Variants in TSPAN9 observed in about 807,000 individuals in gnomAD.
TSPAN9 encodes tetraspanin 9, also known as tetraspanin-9.
A neutral mutation model predicts 31.0 loss-of-function variants in TSPAN9; 16 were observed. The observed-to-expected ratio is 0.52, with a 90% CI of 0.35 to 0.78. TSPAN9 has a LOEUF of 0.78. Ranked by LOEUF, TSPAN9 falls within the 30% of genes least tolerant of loss-of-function variation. The probability of loss-of-function intolerance (pLI) is 0.01; values close to 1 mark genes in which losing one functional copy is unlikely to be tolerated. For missense variants in TSPAN9, 272 were observed against 312.5 expected, an observed-to-expected ratio of 0.87 and a Z score of 0.98; for synonymous variants, 145 against 121.6, an observed-to-expected ratio of 1.19 and a Z score of -1.27.
At chr12:3,247,320 G>A (rs1302116808) in intron 3 of TSPAN9, among the ~76,000 whole-genome samples, 5 of 32,850 alleles carry the variant, frequency 1.5e-4, no homozygotes, top group Admixed American at 3.5e-4. Context: ...CCCGCCACCC[G>A]CGTCCCCAAG....
intron 3 of TSPAN9, among the ~76,000 whole-genome samples, chr12:3,236,722 G>A (rs146423658): frequency 8.0e-4 from 122 of 152,300 alleles, no homozygotes; most frequent in Non-Finnish European, 1.5e-3. Flanking sequence ...AATCATCTGA[G>A]AGTCCAGGCG....
At chr12:3,270,828 A>G (rs1862663751) in intron 3 of TSPAN9, among the ~76,000 whole-genome samples, 1 of 152,264 alleles carries the variant, frequency 6.6e-6, no homozygotes, top group Non-Finnish European at 1.5e-5. Context: ...CAAGAGGTGT[A>G]GGTATTGTAA....
At position 3,086,329 on chromosome 12, in the gene TSPAN9, ATT is replaced by A. The variant is rs11356214; in HGVS notation, c.-18+2624_-18+2625del. Among the ~76,000 whole-genome samples, 3,640 of 145,292 alleles carry A rather than the reference ATT, an allele frequency of 0.025. 215 individuals carry two copies. In the East Asian group the frequency reaches 0.29, roughly 12 times the overall value. ...CCCGATACTTTGGAGCCAAATGTAGATTTTTTTTTTTTTTTGGCCTATTGTTT... is the reference window on the plus strand; with the variant it reads ...CCCGATACTTTGGAGCCAAATGTAGATTTTTTTTTTTTTGGCCTATTGTTT... On this transcript the variant is annotated intron_variant, in intron 2 of 8. Coordinates refer to ENST00000011898, the MANE Select transcript of TSPAN9 (RefSeq NM_006675.5).
chr12:3,142,309 C>G (rs957121980), intron 2 of TSPAN9, among the ~76,000 whole-genome samples: 2 of 152,156 alleles, frequency 1.3e-5, no homozygotes, highest in African/African-American at 2.4e-5. Context: ...ACTGAGTTTC[C>G]CCTTTTTCTC....
At chr12:3,250,279 A>G (rs1359691097) in intron 3 of TSPAN9, among the ~76,000 whole-genome samples, 1 of 152,158 alleles carries the variant, frequency 6.6e-6, no homozygotes, top group Admixed American at 6.5e-5. Context: ...ATTTGTCCTC[A>G]GATAATGCTT....
chr12:3,278,298 C>G, intron 3 of TSPAN9, 123 bp from the exon 4 acceptor site: 1 of 1,395,338 alleles, frequency 7.2e-7, no homozygotes, highest in Non-Finnish European at 9.8e-7. Context: ...TAGTCCCGTT[C>G]TCACCTTGTC....
chr12:3,081,844 G>GTGTGTGTGTGTGTATATATATATATA (rs57812985), intron 1 of TSPAN9, among the ~76,000 whole-genome samples: 8 of 116,730 alleles, frequency 6.9e-5, no homozygotes, highest in Admixed American at 9.1e-5. Context: ...GTCTGTGTGT[G>GTGTGTGTGTGTGTATATATATATATA]TATATATATG....
intron 2 of TSPAN9, among the ~76,000 whole-genome samples, chr12:3,158,721 CAAAAAAA>C (rs765787475): frequency 5.2e-5 from 3 of 57,898 alleles, no homozygotes; most frequent in Non-Finnish European, 8.8e-5. Context: ...GACTCTGTCT[CAAAAAAA>C]AAAAAAAAAA....
chr12:3,160,990 G>T (rs1158962452), intron 2 of TSPAN9, among the ~76,000 whole-genome samples: 1 of 152,176 alleles, frequency 6.6e-6, no homozygotes, highest in Non-Finnish European at 1.5e-5. Context: ...GGAGGCCGAG[G>T]CAGGTGGATC....
At position 3,280,090 on chromosome 12, in the gene TSPAN9, G is replaced by GT. The variant is rs34618677; in HGVS notation, c.331-285dup. ...ATGGGGGAGTGGAGGCACGTGGTGT[G>GT]TTTTTTTGCCTCTGGGTGTTACAGC... On this transcript the variant is annotated intron_variant, in intron 5 of 8. Coordinates refer to ENST00000011898, the MANE Select transcript of TSPAN9 (RefSeq NM_006675.5). The surrounding 1 kb of genome is among the most constrained non-coding windows in gnomAD (Gnocchi z 4.5). Among the ~76,000 whole-genome samples, 4 of 152,178 alleles carry GT rather than the reference G, an allele frequency of 2.6e-5. No homozygotes were observed. Among genetic ancestry groups the GT allele is most frequent in the Admixed American group, 6.5e-5 (1 of 15,294 alleles).
At chr12:3,272,024 A>G (rs552960409) in intron 3 of TSPAN9, among the ~76,000 whole-genome samples, 1 of 152,336 alleles carries the variant, frequency 6.6e-6, no homozygotes, top group Admixed American at 6.5e-5. Context: ...ATTAAATGCC[A>G]TTAAATGTTG....
intron 3 of TSPAN9, among the ~76,000 whole-genome samples, chr12:3,236,803 C>T (rs765543745): frequency 7.2e-5 from 11 of 152,202 alleles, no homozygotes; most frequent in South Asian, 2.1e-4. Context: ...TGGGTAGTGA[C>T]GTACAGGGAT....
At chr12:3,262,658 T>G (rs1743531906) in intron 3 of TSPAN9, among the ~76,000 whole-genome samples, 1 of 151,922 alleles carries the variant, frequency 6.6e-6, no homozygotes, top group African/African-American at 2.4e-5. Flanking sequence ...AGGGAGGGCC[T>G]GCTGGGATCT....
chr12:3,220,382 C>G (rs2098383790), intron 3 of TSPAN9, among the ~76,000 whole-genome samples: 2 of 152,300 alleles, frequency 1.3e-5, no homozygotes, highest in South Asian at 4.1e-4. Flanking sequence ...AGTAAAGCAC[C>G]CTCAGGGTTA....
chr12:3,082,287 A>G (rs1428875940), intron 1 of TSPAN9, among the ~76,000 whole-genome samples: 4 of 152,232 alleles, frequency 2.6e-5, no homozygotes, highest in Non-Finnish European at 4.4e-5. Context: ...GGGGCTAGGC[A>G]CTGAGAAAGT....
chr12:3,154,209 G>C (rs543376749), intron 2 of TSPAN9, among the ~76,000 whole-genome samples: 37 of 152,322 alleles, frequency 2.4e-4, no homozygotes, highest in African/African-American at 7.7e-4. Context: ...AGCAGCCACA[G>C]GGTTTAGCTG....
chr12:3,198,131 C>T (rs1426037688), intron 2 of TSPAN9, among the ~76,000 whole-genome samples: 32 of 94,836 alleles, frequency 3.4e-4, no homozygotes, highest in African/African-American at 1.3e-3. Flanking sequence ...GCACAGGCCA[C>T]CACCAGCACA....
chr12:3,201,327 T>C (rs964760456), intron 3 of TSPAN9, 71 bp downstream of exon 3: 14 of 1,425,770 alleles, frequency 9.8e-6, no homozygotes, highest in African/African-American at 7.0e-5. Flanking sequence ...GTGAATACCC[T>C]CTCCCTCTTC....
At chr12:3,228,306 A>T (rs2098388933) in intron 3 of TSPAN9, among the ~76,000 whole-genome samples, 1 of 152,226 alleles carries the variant, frequency 6.6e-6, no homozygotes, top group Admixed American at 6.5e-5. Context: ...TCGAGGCTGC[A>T]GTAAGCTGTG....
Sources: gnomAD v4.1 joint callset for allele counts (sites outside exome capture counted in the v4.1 genomes callset) on GRCh38, gnomAD v4.1.1 for gene constraint, Gnocchi (gnomAD v3.1) non-coding constraint, MANE v1.5 for transcripts, NCBI Gene and HGNC (gene_info 2026-07-23, HGNC 2026-07-21) for gene names.